The following RBFOX1 variants were observed in gnomAD, a reference collection of about 807,000 sequenced individuals.
RBFOX1 encodes the protein RNA binding protein fox-1 homolog 1.
A neutral mutation model predicts 57.7 loss-of-function variants in RBFOX1; 8 were observed. That is an observed-to-expected ratio of 0.14 (90% CI 0.08 to 0.25). The LOEUF is 0.25. Ranked by LOEUF, RBFOX1 falls within the 10% of genes least tolerant of loss-of-function variation. The probability of loss-of-function intolerance (pLI) is 1.00; values close to 1 mark genes in which losing one functional copy is unlikely to be tolerated. For missense variants in RBFOX1, 611 were observed against 548.5 expected (o/e 1.11, Z -1.14); for synonymous variants, 326 against 222.4 (o/e 1.47, Z -4.15).
chr16:6,047,848 T>G (rs2095511697), intron 1 of RBFOX1, among the ~76,000 whole-genome samples: 1 of 152,136 alleles, frequency 6.6e-6, no homozygotes, highest in Non-Finnish European at 1.5e-5. Context: ...ATTTTATGCA[T>G]GAAAAAAATA....
intron 3 of RBFOX1, among the ~76,000 whole-genome samples, chr16:6,833,094 T>A (rs1728676475): frequency 6.6e-6 from 1 of 152,114 alleles, no homozygotes; most frequent in Non-Finnish European, 1.5e-5. Flanking sequence ...CTCACTCCTC[T>A]TTCTGGAAGG....
chr16:7,175,071 T>C (rs1376643764), intron 4 of RBFOX1, among the ~76,000 whole-genome samples: 1 of 152,076 alleles, frequency 6.6e-6, no homozygotes, highest in Non-Finnish European at 1.5e-5. Context: ...CTGGGGTACA[T>C]GTGCAGGATG....
At position 7,403,562 on chromosome 16, in the gene RBFOX1, T is replaced by TCC. The variant is rs33991020; in HGVS notation, c.28-114574_28-114573dup. Among the ~76,000 whole-genome samples, 650 of 114,618 alleles carry TCC rather than the reference T, an allele frequency of 5.7e-3. 14 individuals are homozygous for TCC. The highest frequency in any genetic ancestry group is 0.017 in the East Asian group (53 of 3,084). 75.2% of individuals were successfully genotyped at this position (114,618 alleles called of 152,430 possible). On this transcript the variant is annotated intron_variant, in intron 4 of 15. Coordinates refer to ENST00000550418, the MANE Select transcript of RBFOX1 (RefSeq NM_018723.4). ...ACCCATATTATTGCAAATGAGAGAA[T>TCC]CCCCCCCCCCCCACTTTTTTTTTGC...
chr16:5,298,098 A>G (rs1162855616), intron 1 of RBFOX1, among the ~76,000 whole-genome samples: 2 of 152,222 alleles, frequency 1.3e-5, no homozygotes, highest in African/African-American at 4.8e-5. Context: ...AAAAGATGTG[A>G]TAACCTGCTC....
chr16:6,025,953 G>C (rs530376736), intron 1 of RBFOX1, among the ~76,000 whole-genome samples: 1 of 152,300 alleles, frequency 6.6e-6, no homozygotes, highest in East Asian at 1.9e-4. Flanking sequence ...TGTAGCACAA[G>C]CTGAGCCAAG....
At chr16:7,427,509 AT>A (rs1310303145) in intron 4 of RBFOX1, among the ~76,000 whole-genome samples, 3 of 152,106 alleles carry the variant, frequency 2.0e-5, no homozygotes, top group Non-Finnish European at 4.4e-5. Flanking sequence ...GCAGAAGAAA[AT>A]CCCCAGTCTC....
At chr16:6,312,478 A>G (rs1259734090) in intron 1 of RBFOX1, among the ~76,000 whole-genome samples, 1 of 152,124 alleles carries the variant, frequency 6.6e-6, no homozygotes, top group East Asian at 1.9e-4. Context: ...TTGAACCTAG[A>G]TAGGGTGAGG....
intron 1 of RBFOX1, among the ~76,000 whole-genome samples, chr16:6,315,550 T>C (rs1468033006): frequency 7.5e-6 from 1 of 133,918 alleles, no homozygotes; most frequent in East Asian, 2.1e-4. Context: ...GATGGATGGA[T>C]GGATGGATGG....
chr16:7,319,629 C>A (rs1427670225), intron 4 of RBFOX1, among the ~76,000 whole-genome samples: 1 of 152,112 alleles, frequency 6.6e-6, no homozygotes, highest in Non-Finnish European at 1.5e-5. Flanking sequence ...ATTTCAGCAT[C>A]GAGGCGAGAT....
intron 4 of RBFOX1, among the ~76,000 whole-genome samples, chr16:7,310,257 C>G (rs181540627): frequency 6.6e-6 from 1 of 152,166 alleles, no homozygotes. Context: ...AGTTCCTGAG[C>G]CTGGCATACG....
rs115944531 is a variant in RBFOX1 at position 6,029,311 on chromosome 16, A to G, written c.-127+9319A>G. Among the ~76,000 whole-genome samples, 228 of 152,338 alleles carry G rather than the reference A, an allele frequency of 1.5e-3. 1 individual carries two copies. Among genetic ancestry groups the G allele is most frequent in the African/African-American group, 5.3e-3 (220 of 41,576 alleles). The stretch of plus-strand genomic sequence containing the variant: ...AACAAGGAACCATCCACCCCATTCT[A>G]TAAACTTATTTCTACTGAATTGTGC... On this transcript the variant is annotated intron_variant, in intron 1 of 15. Coordinates refer to ENST00000550418, the MANE Select transcript of RBFOX1 (RefSeq NM_018723.4).
chr16:6,240,978 G>A (rs1246319742), intron 1 of RBFOX1, among the ~76,000 whole-genome samples: 5 of 151,948 alleles, frequency 3.3e-5, no homozygotes, highest in Admixed American at 1.3e-4. Flanking sequence ...CCCCTTTACC[G>A]TAGATACTCC....
chr16:6,546,855 A>T (rs951890174), intron 2 of RBFOX1, among the ~76,000 whole-genome samples: 6 of 152,210 alleles, frequency 3.9e-5, no homozygotes, highest in African/African-American at 1.4e-4. Context: ...ATTGGCAATG[A>T]CAAGTTCAAA....
intron 2 of RBFOX1, among the ~76,000 whole-genome samples, chr16:6,563,594 A>G (rs984836159): frequency 1.3e-5 from 2 of 152,174 alleles, no homozygotes; most frequent in African/African-American, 4.8e-5. Flanking sequence ...CTGTACTTCC[A>G]GCACTTTGCG....
intron 1 of RBFOX1, among the ~76,000 whole-genome samples, chr16:6,256,158 T>TGTATATATATATGTATATATATATATAC (rs1491262634): frequency 3.2e-4 from 12 of 37,454 alleles, no homozygotes; most frequent in African/African-American, 1.3e-3. Flanking sequence ...TATATATATA[T>TGTATATATATATGTATATATATATATAC]GTATATATAT....
chr16:5,999,291 T>A (rs953832465), intron 4 of RBFOX1, among the ~76,000 whole-genome samples: 5 of 152,212 alleles, frequency 3.3e-5, no homozygotes, highest in African/African-American at 1.2e-4. Flanking sequence ...TTCCCCCTCA[T>A]GCTTCTTCCC....
intron 4 of RBFOX1, among the ~76,000 whole-genome samples, chr16:7,283,574 C>A (rs961371085): frequency 6.6e-6 from 1 of 152,104 alleles, no homozygotes; most frequent in African/African-American, 2.4e-5. Context: ...TTCTGTATCT[C>A]CATCCCCTAG....
chr16:6,979,865 G>T (rs2088198040), intron 3 of RBFOX1, among the ~76,000 whole-genome samples: 1 of 152,094 alleles, frequency 6.6e-6, no homozygotes, highest in African/African-American at 2.4e-5. Context: ...TGTTTGCTTT[G>T]TGAGCCTCCT....
intron 3 of RBFOX1, among the ~76,000 whole-genome samples, chr16:5,735,369 A>C (rs763995249): frequency 6.6e-6 from 1 of 152,174 alleles, no homozygotes; most frequent in Non-Finnish European, 1.5e-5. Context: ...TCTCAATCAC[A>C]TCTGAATTCC....
Sources: gnomAD v4.1 joint callset for allele counts (sites outside exome capture counted in the v4.1 genomes callset) on GRCh38, gnomAD v4.1.1 for gene constraint, MANE v1.5 for transcripts, NCBI Gene and HGNC (gene_info 2026-07-23, HGNC 2026-07-21) for gene names.